The following CSNK1D variants were observed in gnomAD, a reference collection of about 807,000 sequenced individuals.
CSNK1D encodes the protein casein kinase I isoform delta.
CSNK1D carries 16 observed loss-of-function variants against 46.6 expected under a neutral mutation model. That is an observed-to-expected ratio of 0.34 (90% CI 0.23 to 0.52). The LOEUF (loss-of-function observed/expected upper bound fraction) is 0.52, where lower values mean the gene tolerates loss of function less well. CSNK1D is among the 20% of genes least tolerant of loss of function. The probability of loss-of-function intolerance (pLI) is 0.95; values close to 1 mark genes in which losing one functional copy is unlikely to be tolerated. For missense variants in CSNK1D, 398 were observed against 578.4 expected, an observed-to-expected ratio of 0.69 and a Z score of 3.20; for synonymous variants, 276 against 228.2, an observed-to-expected ratio of 1.21 and a Z score of -1.89.
rs114210938 is a variant in CSNK1D at position 82,243,398 on chromosome 17, C to T, written c.*1383G>A. The T allele has an allele frequency of 2.1e-3, 2,111 of 985,514 alleles. 33 individuals are homozygous for T. In the African/African-American group the frequency reaches 0.034, roughly 16 times the overall value. The allele number at this position is 985,514 out of a possible 1,614,324, so 61.0% of individuals were successfully genotyped here. A position where few individuals can be genotyped will look rare whatever the true frequency, so the allele number is the denominator to read the frequency against. On this transcript the variant is annotated 3_prime_UTR_variant, in exon 9 of 9. Coordinates refer to ENST00000314028, the MANE Select transcript of CSNK1D (RefSeq NM_001893.6). Reference sequence around the variant, plus strand: ...TTGGGAGCACATGGCCACTGGCTACCGCCCAAGTGCTGCGGAGTGAGAGGC... The same window carrying T: ...TTGGGAGCACATGGCCACTGGCTACTGCCCAAGTGCTGCGGAGTGAGAGGC...
At chr17:82,267,298 T>C (rs1439230974) in intron 1 of CSNK1D, among the ~76,000 whole-genome samples, 1 of 152,178 alleles carries the variant, frequency 6.6e-6, no homozygotes, top group Admixed American at 6.5e-5. Context: ...ATGAATGGGT[T>C]AACAGTTTCT....
Position 82,269,096 on chromosome 17 carries a change from T to TAA in CSNK1D, c.77-3302_77-3301dup, listed in dbSNP as rs766007194. On this transcript the variant is annotated intron_variant, in intron 1 of 8. Coordinates refer to ENST00000314028, the MANE Select transcript of CSNK1D (RefSeq NM_001893.6). ...TAGGCAACAGAATGATACTTTGTCT[T>TAA]AAAAAAAAAAAAAAAAAAAAAAAGC... Among the ~76,000 whole-genome samples the TAA allele has an allele frequency of 5.8e-3, 610 of 105,338 alleles. 1 individual carries two copies. Among genetic ancestry groups the TAA allele is most frequent in the Middle Eastern group, 0.019 (4 of 206 alleles). The allele number at this position is 105,338 out of a possible 152,430, so 69.1% of individuals were successfully genotyped here. A position where few individuals can be genotyped will look rare whatever the true frequency, so the allele number is the denominator to read the frequency against.
intron 2 of CSNK1D, among the ~76,000 whole-genome samples, chr17:82,259,954 A>ATGACTGATGGTGTACTGACTGATG (rs1204684883): frequency 7.3e-6 from 1 of 136,256 alleles, no homozygotes; most frequent in Admixed American, 7.1e-5. Context: ...ACTGACTGAT[A>ATGACTGATGGTGTACTGACTGATG]TGACTGATGG....
In CSNK1D at chr17:82,255,142, A is replaced by C; in HGVS notation, c.336+287T>G. 4.5e-6 allele frequency: 2 copies of C among 442,914 alleles called. No homozygotes were observed. The highest frequency in any genetic ancestry group is 2.1e-5 in the African/African-American group (1 of 47,206). The allele number at this position is 442,914 out of a possible 1,614,324, so 27.4% of individuals were successfully genotyped here. Reference sequence around the variant, plus strand: ...GAGCTGAGCCGTCGGAGCCTCCAGAAGCCAGTGAGCTGGGCCGCCGGAGCC... The same window carrying C: ...GAGCTGAGCCGTCGGAGCCTCCAGACGCCAGTGAGCTGGGCCGCCGGAGCC... On this transcript the variant is annotated intron_variant, in intron 3 of 8. Transcript: ENST00000314028. This position sits in a 1 kb window ranked among gnomAD's most constrained non-coding sequence, Gnocchi z 5.9.
At chr17:82,242,620 A>T, downstream of CSNK1D, 1 of 982,390 alleles carries the variant, frequency 1.0e-6, no homozygotes, top group Non-Finnish European at 1.2e-6. Flanking sequence ...ACACAGTGAA[A>T]ACTCTCAAGC....
In CSNK1D at chr17:82,249,368, A is replaced by G; in HGVS notation, c.1057+63T>C. ...CACCAAGTACCCTGTTGTCCCCACC[A>G]ACCCCAAGACACAAGAAGTCACCCC... On this transcript the variant is annotated intron_variant, in intron 7 of 8. Coordinates refer to ENST00000314028, the MANE Select transcript of CSNK1D (RefSeq NM_001893.6). This position sits in a 1 kb window ranked among gnomAD's most constrained non-coding sequence, Gnocchi z 6.7. 6.7e-7 allele frequency: 1 copy of G among 1,482,164 alleles called. No individual in the cohort carries two copies. The highest frequency in any genetic ancestry group is 1.2e-5 in the South Asian group (1 of 82,890). 91.8% of individuals were successfully genotyped at this position (1,482,164 alleles called of 1,614,324 possible).
chr17:82,266,322 T>C (rs1012151420), intron 1 of CSNK1D, among the ~76,000 whole-genome samples: 1 of 152,298 alleles, frequency 6.6e-6, no homozygotes, highest in Admixed American at 6.5e-5. Context: ...AGCCAACCTA[T>C]TGCAGGCAAA....
At chr17:82,254,474 G>C in intron 3 of CSNK1D, 2 of 278,416 alleles carry the variant, frequency 7.2e-6, no homozygotes, top group South Asian at 5.5e-5. Flanking sequence ...GGAGAAGCCA[G>C]TGCGCTGAGC....
chr17:82,246,822 G>T (rs2050862781), intron 8 of CSNK1D: 1 of 986,720 alleles, frequency 1.0e-6, no homozygotes, highest in South Asian at 4.7e-5. Flanking sequence ...GACGGCCCGA[G>T]GAGGAAGACT....
chr17:82,253,023 A>G lies in CSNK1D; in HGVS notation c.558T>C (p.Leu186=), dbSNP rs2147174854. 6.2e-7 allele frequency: 1 copy of G among 1,613,980 alleles called. No individual in the cohort carries two copies. Among genetic ancestry groups the G allele is most frequent in the Non-Finnish European group, 8.5e-7 (1 of 1,179,934 alleles). Residue 186 remains leucine (L), a synonymous_variant, in exon 4 of 9, where the codon CTT becomes CTC. Transcript: ENST00000314028. ...CCATGCCCAGGGGCTCACCAATTCC[A>G]AGGTGCGTGTTGATGGAGGCGTACC... The part of the protein sequence containing the change: ...TARYASINTH[L]GIEQSRRDDL...
intron 1 of CSNK1D, among the ~76,000 whole-genome samples, chr17:82,271,348 G>C (rs1180858708): frequency 1.3e-5 from 2 of 152,224 alleles, no homozygotes; most frequent in Non-Finnish European, 2.9e-5. Context: ...GGGATTACAG[G>C]CGTGAGCCAC....
Position 82,251,678 on chromosome 17 carries a change from T to C in CSNK1D, c.737-151A>G. ...TGTCAGATTTCTAAGACCTGAAGCCTTGAGAAAGCATCGAAAAGTATTCAA... is the reference window on the plus strand; with the variant it reads ...TGTCAGATTTCTAAGACCTGAAGCCCTGAGAAAGCATCGAAAAGTATTCAA... On this transcript the variant is annotated intron_variant, in intron 5 of 8. Coordinates refer to ENST00000314028, the MANE Select transcript of CSNK1D (RefSeq NM_001893.6). This position sits in a 1 kb window ranked among gnomAD's most constrained non-coding sequence, Gnocchi z 4.5. The C allele has an allele frequency of 1.2e-6, 1 of 854,436 alleles. No individual in the cohort carries two copies. Among genetic ancestry groups the C allele is most frequent in the Non-Finnish European group, 1.9e-6 (1 of 521,524 alleles). 52.9% of individuals were successfully genotyped at this position (854,436 alleles called of 1,614,324 possible). A position where few individuals can be genotyped will look rare whatever the true frequency, so the allele number is the denominator to read the frequency against.
At chr17:82,247,145 C>T in intron 8 of CSNK1D, 1 of 985,462 alleles carries the variant, frequency 1.0e-6, no homozygotes. Flanking sequence ...AGAGAACACA[C>T]CCCCAAACCA....
chr17:82,265,665 C>T lies in CSNK1D; in HGVS notation c.187+21G>A, dbSNP rs572224421. 2.5e-6 allele frequency: 4 copies of T among 1,571,990 alleles called. No individual in the cohort carries two copies. In the South Asian group the frequency reaches 4.4e-5, roughly 17 times the overall value. Reference sequence around the variant, plus strand: ...TGTCAAACAGAACCCTGGTGTTGCTCTGTGACTGGTAAAGACCTACCTCCT... The same window carrying T: ...TGTCAAACAGAACCCTGGTGTTGCTTTGTGACTGGTAAAGACCTACCTCCT... On this transcript the variant is annotated intron_variant, in intron 2 of 8. Transcript: ENST00000314028.
Position 82,273,566 on chromosome 17 carries a change from G to A in CSNK1D, c.-185C>T. ...CAGCGCCTCAATACGGGGCGGATGG[G>A]ACAGTCCGAGCGCCGCCGCCGCTGC... On this transcript the variant is annotated 5_prime_UTR_variant, in exon 1 of 9. Transcript: ENST00000314028. This position sits in a 1 kb window ranked among gnomAD's most constrained non-coding sequence, Gnocchi z 5.1. 1.4e-6 allele frequency: 1 copy of A among 691,410 alleles called. No individual in the cohort carries two copies. Among genetic ancestry groups the A allele is most frequent in the Non-Finnish European group, 2.3e-6 (1 of 425,850 alleles). The allele number at this position is 691,410 out of a possible 1,614,324, so 42.8% of individuals were successfully genotyped here. A position where few individuals can be genotyped will look rare whatever the true frequency, so the allele number is the denominator to read the frequency against.
chr17:82,273,678 AGGAGCCGCCGCCATCGCGCT>A lies in CSNK1D; in HGVS notation c.-317_-298del. On this transcript the variant is annotated 5_prime_UTR_variant, in exon 1 of 9. It removes an upstream start codon present in the reference 5' UTR. Transcript: ENST00000314028. This position sits in a 1 kb window ranked among gnomAD's most constrained non-coding sequence, Gnocchi z 5.1. ...CCTAAATCCCCTTTCAGCTGCCTAAAGGAGCCGCCGCCATCGCGCTGTGACGTCACTTCCCCTAGCAACCC... is the reference window on the plus strand; with the variant it reads ...CCTAAATCCCCTTTCAGCTGCCTAAAGTGACGTCACTTCCCCTAGCAACCC... 1 of 509,226 alleles carries A rather than the reference AGGAGCCGCCGCCATCGCGCT, an allele frequency of 2.0e-6. No homozygotes were observed. The highest frequency in any genetic ancestry group is 3.4e-6 in the Non-Finnish European group (1 of 291,456). The allele number at this position is 509,226 out of a possible 1,614,324, so 31.5% of individuals were successfully genotyped here.
In CSNK1D at chr17:82,244,413, T is replaced by C. The variant is rs1408017874; in HGVS notation, c.*368A>G. 4.2e-6 allele frequency: 5 copies of C among 1,199,502 alleles called. No individual in the cohort carries two copies. In the South Asian group the frequency reaches 8.1e-5, roughly 19 times the overall value. 74.3% of individuals were successfully genotyped at this position (1,199,502 alleles called of 1,614,324 possible). A position where few individuals can be genotyped will look rare whatever the true frequency, so the allele number is the denominator to read the frequency against. On this transcript the variant is annotated 3_prime_UTR_variant, in exon 9 of 9. Coordinates refer to ENST00000314028, the MANE Select transcript of CSNK1D (RefSeq NM_001893.6). ...AATTTTTAGCAAAATGATACAAAACTGTCTTAACCAAGTAGAAGATTGGTA... is the reference window on the plus strand; with the variant it reads ...AATTTTTAGCAAAATGATACAAAACCGTCTTAACCAAGTAGAAGATTGGTA...
chr17:82,248,852 C>T lies in CSNK1D; in HGVS notation c.1197+23G>A. On this transcript the variant is annotated intron_variant, in intron 8 of 8. Coordinates refer to ENST00000314028, the MANE Select transcript of CSNK1D (RefSeq NM_001893.6). This position sits in a 1 kb window ranked among gnomAD's most constrained non-coding sequence, Gnocchi z 4.1. ...GACGGGGTAGCCCGAGGCCCAGCGC[C>T]CGCCCGGGAGCTCTGCACCTACCTG... is the stretch of plus-strand genomic sequence containing the variant. 6.2e-7 allele frequency: 1 copy of T among 1,603,834 alleles called. No homozygotes were observed.
intron 1 of CSNK1D, among the ~76,000 whole-genome samples, chr17:82,269,161 G>A (rs920716919): frequency 6.7e-6 from 1 of 150,002 alleles, no homozygotes; most frequent in Admixed American, 6.6e-5. Flanking sequence ...GTGTGGCCCT[G>A]TCCTGGCACA....
Sources: gnomAD v4.1 joint callset for allele counts (sites outside exome capture counted in the v4.1 genomes callset) on GRCh38, gnomAD v4.1.1 for gene constraint, Gnocchi (gnomAD v3.1) non-coding constraint, MANE v1.5 for transcripts, NCBI Gene and HGNC (gene_info 2026-07-23, HGNC 2026-07-21) for gene names.